The following IPCEF1 variants were observed in gnomAD, a reference collection of about 807,000 sequenced individuals.
IPCEF1 encodes the protein interaction protein for cytohesin exchange factors 1.
Under a neutral mutation model 50.9 loss-of-function variants are expected in IPCEF1, and 31 were observed. That is an observed-to-expected ratio of 0.61 (90% CI 0.46 to 0.82). The LOEUF (loss-of-function observed/expected upper bound fraction) is 0.82. IPCEF1 is among the 40% of genes least tolerant of loss of function. The pLI, the probability that IPCEF1 is intolerant of heterozygous loss-of-function variation, is 0.00. For missense variants in IPCEF1, 458 were observed against 514.0 expected (o/e 0.89, Z 1.05); for synonymous variants, 181 against 192.0 (o/e 0.94, Z 0.47).
At position 154,160,004 on chromosome 6, in the gene IPCEF1, G is replaced by A. The variant is rs1454010689; in HGVS notation, c.1141C>T (p.Leu381=). ...EHDLAMINQL[L]DDPKLTARKY... ...CTGGCTGTCAGCTTCGGGTCATCCA[G>A]CAACTGGTTAATCATGGCCAGATCA... Residue 381 remains leucine (L), a synonymous_variant, in exon 12 of 12, where the codon CTG becomes TTG. Coordinates refer to ENST00000367220, the MANE Select transcript of IPCEF1 (RefSeq NM_001130700.2). 6.2e-6 allele frequency: 10 copies of A among 1,612,240 alleles called. No individual in the cohort carries two copies. The highest frequency in any genetic ancestry group is 7.6e-6 in the Non-Finnish European group (9 of 1,179,914).
At chr6:154,278,780 T>C (rs75430010) in intron 2 of IPCEF1, among the ~76,000 whole-genome samples, 4,858 of 151,884 alleles carry the variant, frequency 0.032, 241 homozygotes, top group African/African-American at 0.11. Flanking sequence ...TTTCAAATGA[T>C]ATAGTTTTAC....
intron 1 of IPCEF1, among the ~76,000 whole-genome samples, chr6:154,329,714 G>A (rs576802123): frequency 3.3e-5 from 5 of 151,850 alleles, no homozygotes; most frequent in African/African-American, 1.2e-4. Flanking sequence ...ATGCAAAAAA[G>A]AAAGTGAAAT....
chr6:154,272,233 A>G (rs1189316797), intron 2 of IPCEF1, among the ~76,000 whole-genome samples: 1 of 152,254 alleles, frequency 6.6e-6, no homozygotes, highest in East Asian at 1.9e-4. Context: ...AATTACCTAG[A>G]ATGGGAGCTA....
chr6:154,196,623 G>A (rs1313378227), intron 10 of IPCEF1, among the ~76,000 whole-genome samples: 2 of 152,188 alleles, frequency 1.3e-5, no homozygotes, highest in East Asian at 3.8e-4. Flanking sequence ...TTGTACATAT[G>A]TGACTTACTA....
chr6:154,167,981 C>T lies in IPCEF1; in HGVS notation c.1043G>A (p.Cys348Tyr), dbSNP rs774600726. The change falls in exon 11 of 12, where the codon TGT (cysteine) becomes TAT (tyrosine). Residue 348 changes from cysteine to tyrosine, a missense_variant. By Grantham distance (194) the Cys-to-Tyr change is radical. Transcript: ENST00000367220. ...TTTCTCGTTTATAGATGGATTTTTA[C>T]ACCGCTTAACAAAGGATTTTCTCAA... ...KELRKSFVKRCKNPSINEKLH... is the reference protein window; with the variant it reads ...KELRKSFVKRYKNPSINEKLH... The T allele has an allele frequency of 4.3e-6, 7 of 1,610,212 alleles. No homozygotes were observed. Among genetic ancestry groups the T allele is most frequent in the Non-Finnish European group, 5.1e-6 (6 of 1,177,102 alleles).
chr6:154,347,814 G>A (rs895509507), intron 1 of IPCEF1, among the ~76,000 whole-genome samples: 1 of 152,198 alleles, frequency 6.6e-6, no homozygotes, highest in Non-Finnish European at 1.5e-5. Flanking sequence ...TAGGAAACGT[G>A]AGCTCGTGGG....
At chr6:154,204,968 C>T (rs1222667658) in intron 9 of IPCEF1, among the ~76,000 whole-genome samples, 1 of 152,214 alleles carries the variant, frequency 6.6e-6, no homozygotes, top group Non-Finnish European at 1.5e-5. Flanking sequence ...ATCACCACAT[C>T]TCTGGTCCCT....
chr6:154,187,390 G>A lies in IPCEF1; in HGVS notation c.910+12278C>T, dbSNP rs1403407354. On this transcript the variant is annotated intron_variant, in intron 10 of 11. Transcript: ENST00000367220. ...TCTCCCCTCAGTGTTAGCTCTGTAG[G>A]GCTGTTTATTTTGGCTTTCGTTTGC... Among the ~76,000 whole-genome samples the A allele has an allele frequency of 2.0e-5, 3 of 152,124 alleles. 1 individual carries two copies. The highest frequency in any genetic ancestry group is 7.2e-5 in the African/African-American group (3 of 41,408).
At chr6:154,229,213 T>C (rs1779508811) in intron 5 of IPCEF1, among the ~76,000 whole-genome samples, 1 of 152,218 alleles carries the variant, frequency 6.6e-6, no homozygotes, top group Non-Finnish European at 1.5e-5. Flanking sequence ...TACATATTAT[T>C]TATAAGGTGT....
intron 1 of IPCEF1, among the ~76,000 whole-genome samples, chr6:154,354,781 T>C (rs2499649): frequency 0.29 from 44,456 of 152,018 alleles, 6,963 homozygotes; most frequent in Admixed American, 0.38. Flanking sequence ...TCCACTCTGA[T>C]CTTTTCTAAC....
chr6:154,354,419 C>CCACCACCACCTCCACCATCTCCTA (rs1784172359), intron 1 of IPCEF1, among the ~76,000 whole-genome samples: 1 of 151,514 alleles, frequency 6.6e-6, no homozygotes, highest in African/African-American at 2.4e-5. Context: ...ACCACCACCT[C>CCACCACCACCTCCACCATCTCCTA]CACCACCACC....
At chr6:154,331,092 C>G (rs1363067753) in intron 1 of IPCEF1, among the ~76,000 whole-genome samples, 1 of 151,926 alleles carries the variant, frequency 6.6e-6, no homozygotes, top group Non-Finnish European at 1.5e-5. Flanking sequence ...CGTGGCAAAA[C>G]CCCGTCTCTA....
At chr6:154,324,904 A>G (rs1783483498) in intron 1 of IPCEF1, among the ~76,000 whole-genome samples, 1 of 152,220 alleles carries the variant, frequency 6.6e-6, no homozygotes, top group Non-Finnish European at 1.5e-5. Flanking sequence ...AGCATGGAAA[A>G]AAAAGTACCA....
At chr6:154,227,784 T>C (rs553008439) in intron 5 of IPCEF1, among the ~76,000 whole-genome samples, 2 of 152,276 alleles carry the variant, frequency 1.3e-5, no homozygotes, top group South Asian at 4.1e-4. Flanking sequence ...TTCATTTGGG[T>C]GGATTCCTTT....
At chr6:154,184,908 T>C (rs1258761483) in intron 10 of IPCEF1, among the ~76,000 whole-genome samples, 1 of 151,972 alleles carries the variant, frequency 6.6e-6, no homozygotes, top group African/African-American at 2.4e-5. Flanking sequence ...TTTCAGATAA[T>C]GTTATAATGT....
chr6:154,300,442 G>A (rs149925852), intron 1 of IPCEF1, among the ~76,000 whole-genome samples: 10 of 152,214 alleles, frequency 6.6e-5, no homozygotes, highest in Admixed American at 5.9e-4. Flanking sequence ...GATGACCCAC[G>A]TCTCTACAGA....
rs1784033020 is a variant in IPCEF1, at chr6:154,346,538, T to C, written c.-62+10134A>G. Among the ~76,000 whole-genome samples, 4 of 152,214 alleles carry C rather than the reference T, an allele frequency of 2.6e-5. No homozygotes were observed. The South Asian group carries it at 8.3e-4, about 31-fold the overall frequency. On this transcript the variant is annotated intron_variant, in intron 1 of 11. Transcript: ENST00000367220. ...GGATGGACTATCTGTATTAGTCCAT[T>C]CTTATGCTGCTATGAAGAAATACCT...
At chr6:154,337,997 C>A (rs575857969) in intron 1 of IPCEF1, among the ~76,000 whole-genome samples, 1 of 151,996 alleles carries the variant, frequency 6.6e-6, no homozygotes, top group African/African-American at 2.4e-5. Flanking sequence ...CCAAAGCCAT[C>A]CTACTAGTCA....
At chr6:154,270,020 T>C (rs901224311) in intron 2 of IPCEF1, among the ~76,000 whole-genome samples, 1 of 152,212 alleles carries the variant, frequency 6.6e-6, no homozygotes, top group Non-Finnish European at 1.5e-5. Flanking sequence ...AAGTGATAAC[T>C]TTTCAGTATT....
Sources: gnomAD v4.1 joint callset for allele counts (sites outside exome capture counted in the v4.1 genomes callset) on GRCh38, gnomAD v4.1.1 for gene constraint, MANE v1.5 for transcripts, NCBI Gene and HGNC (gene_info 2026-07-23, HGNC 2026-07-21) for gene names.